UTS2B: variants seen among roughly 807,000 people sequenced by gnomAD.
UTS2B encodes urotensin 2B.
Under a neutral mutation model 19.2 loss-of-function variants are expected in UTS2B, and 21 were observed. The ratio of observed to expected loss-of-function variants is 1.09; its 90% CI spans 0.78 to 1.58. The LOEUF (loss-of-function observed/expected upper bound fraction) is 1.58. Among genes scored for constraint, UTS2B ranks in the 40% most tolerant of loss-of-function variants. The pLI is 0.00. For missense variants in UTS2B, 138 were observed against 130.3 expected (o/e 1.06, Z -0.29); for synonymous variants, 57 against 50.2 (o/e 1.14, Z -0.58).
upstream of UTS2B, among the ~76,000 whole-genome samples, chr3:191,335,143 C>T (rs1351502408): frequency 3.3e-5 from 5 of 152,228 alleles, no homozygotes; most frequent in African/African-American, 1.2e-4. Flanking sequence ...ATAAATTTTT[C>T]CTCAGTGACA....
chr3:191,282,330 GA>G lies in UTS2B; in HGVS notation c.-124-18del. The G allele has an allele frequency of 1.7e-6, 1 of 577,154 alleles. No homozygotes were observed. The highest frequency in any genetic ancestry group is 2.6e-5 in the South Asian group (1 of 38,562). The allele number at this position is 577,154 out of a possible 1,614,324, so 35.8% of individuals were successfully genotyped here. A position where few individuals can be genotyped will look rare whatever the true frequency, so the allele number is the denominator to read the frequency against. On this transcript the variant is annotated intron_variant, in intron 4 of 8. Coordinates refer to ENST00000340524, the MANE Select transcript of UTS2B (RefSeq NM_198152.5). ...ACGAATGATCTAGATGAAGGAAAAA[GA>G]AAGAAAGAAAATAAATCTATAAAAT...
chr3:191,306,546 T>C (rs1717145889), intron 3 of UTS2B, among the ~76,000 whole-genome samples: 1 of 152,230 alleles, frequency 6.6e-6, no homozygotes, highest in South Asian at 2.1e-4. Context: ...TTTATAATGG[T>C]TCAGAAGACC....
chr3:191,316,288 G>A lies in UTS2B; in HGVS notation c.-434C>T, dbSNP rs1717447969. ...GCAGATCCTCGCAGTGAGTGTTACAGTTCTTAAAGATGGTGCGTCCGGAAT... is the reference window on the plus strand; with the variant it reads ...GCAGATCCTCGCAGTGAGTGTTACAATTCTTAAAGATGGTGCGTCCGGAAT... On this transcript the variant is annotated 5_prime_UTR_variant, in exon 3 of 9. Coordinates refer to ENST00000340524, the MANE Select transcript of UTS2B (RefSeq NM_198152.5). The A allele has an allele frequency of 6.6e-6, 1 of 152,522 alleles. No individual in the cohort carries two copies. Among genetic ancestry groups the A allele is most frequent in the Non-Finnish European group, 1.5e-5 (1 of 68,276 alleles). The allele number at this position is 152,522 out of a possible 1,614,324, so 9.4% of individuals were successfully genotyped here.
upstream of UTS2B, among the ~76,000 whole-genome samples, chr3:191,332,610 T>C (rs1718028593): frequency 6.6e-6 from 1 of 152,214 alleles, no homozygotes; most frequent in Admixed American, 6.5e-5. Context: ...TTTGCGAATG[T>C]TAGGGAAAGG....
chr3:191,328,252 T>C (rs554452551), intron 2 of UTS2B: 13 of 152,320 alleles, frequency 8.5e-5, no homozygotes, highest in African/African-American at 2.4e-4. Context: ...GAAAATCAAC[T>C]ATTACTAGCT....
intron 4 of UTS2B, among the ~76,000 whole-genome samples, chr3:191,298,556 T>C (rs1716916141): frequency 6.6e-6 from 1 of 152,216 alleles, no homozygotes; most frequent in Non-Finnish European, 1.5e-5. Flanking sequence ...CTGTAAAGCC[T>C]TCAGAACTGT....
intron 4 of UTS2B, among the ~76,000 whole-genome samples, chr3:191,285,606 A>G (rs780132119): frequency 2.0e-5 from 3 of 152,196 alleles, no homozygotes; most frequent in Non-Finnish European, 2.9e-5. Context: ...AAAAATATAC[A>G]TAAGTTCAAA....
chr3:191,279,640 C>T (rs1716327747), intron 5 of UTS2B, among the ~76,000 whole-genome samples: 2 of 151,864 alleles, frequency 1.3e-5, no homozygotes, highest in African/African-American at 4.8e-5. Context: ...TTAAGTGAAA[C>T]ATTTTTCAAA....
At chr3:191,295,641 T>C (rs1398718) in intron 4 of UTS2B, among the ~76,000 whole-genome samples, 58,917 of 151,750 alleles carry the variant, frequency 0.39, 12,111 homozygotes, top group East Asian at 0.64. Flanking sequence ...TCCCACCTGG[T>C]TTTCTTACAA....
chr3:191,295,118 T>G (rs1716824419), intron 4 of UTS2B, among the ~76,000 whole-genome samples: 1 of 152,018 alleles, frequency 6.6e-6, no homozygotes, highest in Non-Finnish European at 1.5e-5. Flanking sequence ...GACACTCATA[T>G]AATCTTCTAC....
intron 1 of UTS2B, chr3:191,329,430 C>A (rs934989788): frequency 3.6e-5 from 16 of 447,376 alleles, no homozygotes; most frequent in Non-Finnish European, 5.5e-5. Flanking sequence ...CGATTGGGGC[C>A]GGGGACGCGG....
chr3:191,341,729 A>AC, the UTS2B span, among the ~76,000 whole-genome samples: 1 of 152,190 alleles, frequency 6.6e-6, no homozygotes, highest in Non-Finnish European at 1.5e-5. Flanking sequence ...TCTGAAAAAA[A>AC]AATTACCCCA....
chr3:191,286,419 T>C (rs939214074), intron 4 of UTS2B, among the ~76,000 whole-genome samples: 1 of 152,162 alleles, frequency 6.6e-6, no homozygotes, highest in Non-Finnish European at 1.5e-5. Flanking sequence ...ATATCTTATA[T>C]CTTCTCCAAC....
intron 3 of UTS2B, among the ~76,000 whole-genome samples, chr3:191,307,543 T>C (rs1234589485): frequency 6.6e-6 from 1 of 152,200 alleles, no homozygotes; most frequent in Non-Finnish European, 1.5e-5. Context: ...TCCTGCAGGA[T>C]AAATTTGGAC....
At chr3:191,303,312 A>T (rs1304980999) in intron 4 of UTS2B, among the ~76,000 whole-genome samples, 2 of 152,160 alleles carry the variant, frequency 1.3e-5, no homozygotes, top group African/African-American at 4.8e-5. Context: ...TTTATTCCAG[A>T]GACTCAAATT....
chr3:191,329,506 T>C (rs1717867636), intron 1 of UTS2B: 2 of 576,032 alleles, frequency 3.5e-6, no homozygotes, highest in Non-Finnish European at 5.8e-6. Context: ...CTCCCGCTGC[T>C]TTGGTCACCA....
intron 2 of UTS2B, among the ~76,000 whole-genome samples, chr3:191,322,554 G>A (rs569939879): frequency 5.9e-5 from 9 of 152,288 alleles, no homozygotes; most frequent in African/African-American, 1.9e-4. Flanking sequence ...AGAGTAGGAA[G>A]TACAGACCAT....
intron 4 of UTS2B, among the ~76,000 whole-genome samples, chr3:191,292,006 G>T (rs1050603922): frequency 2.0e-5 from 3 of 151,940 alleles, no homozygotes; most frequent in African/African-American, 7.3e-5. Flanking sequence ...TTTGTAGTAA[G>T]CCTTGAAATT....
chr3:191,301,795 T>G lies in UTS2B; in HGVS notation c.-125+2697A>C, dbSNP rs539851240. On this transcript the variant is annotated intron_variant, in intron 4 of 8. Transcript: ENST00000340524. ...TGAGCCACCACGCCCGGCCAATTTT[T>G]GGTAATATTAATACATCTATGGAAA... is the stretch of plus-strand genomic sequence containing the variant. Among the ~76,000 whole-genome samples the G allele has an allele frequency of 4.2e-4, 64 of 152,304 alleles. No homozygotes were observed. In the South Asian group the frequency reaches 0.012, roughly 29 times the overall value.
Sources: gnomAD v4.1 joint callset for allele counts (sites outside exome capture counted in the v4.1 genomes callset) on GRCh38, gnomAD v4.1.1 for gene constraint, MANE v1.5 for transcripts, NCBI Gene and HGNC (gene_info 2026-07-23, HGNC 2026-07-21) for gene names.